Variants in RFX4 observed in about 807,000 individuals in gnomAD.
The protein encoded by RFX4 is regulatory factor X4.
In RFX4, 10 loss-of-function variants were observed where a neutral mutation model predicts 95.0. That is an observed-to-expected ratio of 0.11 (90% CI 0.06 to 0.18). The LOEUF (loss-of-function observed/expected upper bound fraction) is 0.18, where lower values mean the gene tolerates loss of function less well. RFX4 is among the 10% of genes least tolerant of loss of function. The pLI, the probability that RFX4 is intolerant of heterozygous loss-of-function variation, is 1.00. For synonymous variants in RFX4, 321 were observed against 340.7 expected, an observed-to-expected ratio of 0.94 and a Z score of 0.64; for missense variants, 640 against 922.0, an observed-to-expected ratio of 0.69 and a Z score of 3.96.
intron 3 of RFX4, among the ~76,000 whole-genome samples, chr12:106,647,623 G>T (rs2040773152): frequency 6.6e-6 from 1 of 151,974 alleles, no homozygotes; most frequent in Admixed American, 6.6e-5. Flanking sequence ...CTGTGTTCAG[G>T]ACACAGTGCT....
chr12:106,661,641 A>G (rs1039838570), intron 4 of RFX4, among the ~76,000 whole-genome samples: 2 of 152,368 alleles, frequency 1.3e-5, no homozygotes, highest in East Asian at 3.9e-4. Context: ...GGACAAATGT[A>G]TAATAACATG....
chr12:106,655,860 C>T (rs1307325562), intron 4 of RFX4, among the ~76,000 whole-genome samples: 1 of 152,196 alleles, frequency 6.6e-6, no homozygotes, highest in Admixed American at 6.5e-5. Flanking sequence ...AAGCACCTAC[C>T]ATGTGCGATT....
At position 106,631,159 on chromosome 12, in the gene RFX4, C is replaced by G. The variant is rs150314157; in HGVS notation, c.131-8173C>G. On this transcript the variant is annotated intron_variant, in intron 2 of 17. Coordinates refer to ENST00000392842, the MANE Select transcript of RFX4 (RefSeq NM_213594.3). Reference sequence around the variant, plus strand: ...TAGGGCAGCTGTGAAAACTAAATGCCATACCATGAAGAGCTTTGCACAGTG... The same window carrying G: ...TAGGGCAGCTGTGAAAACTAAATGCGATACCATGAAGAGCTTTGCACAGTG... Among the ~76,000 whole-genome samples the G allele has an allele frequency of 6.2e-3, 945 of 152,306 alleles. 7 individuals carry two copies. The highest frequency in any genetic ancestry group is 0.021 in the African/African-American group (875 of 41,578).
Position 106,720,898 on chromosome 12 carries a change from C to T in RFX4, c.1351+22C>T, listed in dbSNP as rs2042384511. 1 of 1,605,174 alleles carries T rather than the reference C, an allele frequency of 6.2e-7. No homozygotes were observed. The highest frequency in any genetic ancestry group is 1.3e-5 in the African/African-American group (1 of 74,814). ...TTCGGTAAGGCCACCCCAGCCCTCC[C>T]CATCTCCAAGCACTTTTTCCTCTGG... On this transcript the variant is annotated intron_variant, in intron 13 of 17. Coordinates refer to ENST00000392842, the MANE Select transcript of RFX4 (RefSeq NM_213594.3). The surrounding 1 kb of genome is among the most constrained non-coding windows in gnomAD (Gnocchi z 4.2).
chr12:106,749,093 A>AG (rs2042949127), intron 16 of RFX4, among the ~76,000 whole-genome samples: 2 of 151,004 alleles, frequency 1.3e-5, no homozygotes, highest in African/African-American at 4.9e-5. Flanking sequence ...CAAAAAAAAA[A>AG]AAAAAGAAAA....
intron 7 of RFX4, among the ~76,000 whole-genome samples, chr12:106,691,385 C>T (rs530554914): frequency 3.5e-4 from 54 of 152,334 alleles, no homozygotes; most frequent in Non-Finnish European, 3.8e-4. Flanking sequence ...CAAGGTCCTT[C>T]GTCACCTCAC....
intron 2 of RFX4, among the ~76,000 whole-genome samples, chr12:106,636,071 G>A (rs2040504305): frequency 6.6e-6 from 1 of 152,124 alleles, no homozygotes; most frequent in African/African-American, 2.4e-5. Context: ...AGGAGGTAAT[G>A]CAGATGACTG....
At chr12:106,597,125 ATCTGCTAT>A (rs2039631616) in intron 1 of RFX4, among the ~76,000 whole-genome samples, 2 of 152,084 alleles carry the variant, frequency 1.3e-5, no homozygotes, top group South Asian at 4.1e-4. Flanking sequence ...ACTTCTATTG[ATCTGCTAT>A]TCTGGGCCAA....
At chr12:106,584,116 G>C (rs941341421) in intron 1 of RFX4, among the ~76,000 whole-genome samples, 3 of 19,808 alleles carry the variant, frequency 1.5e-4, no homozygotes, top group African/African-American at 1.0e-3. Flanking sequence ...GCTGCTGGGC[G>C]TCAGTTTTGG....
chr12:106,612,027 A>G (rs1473072212), intron 2 of RFX4, among the ~76,000 whole-genome samples: 1 of 152,196 alleles, frequency 6.6e-6, no homozygotes, highest in Non-Finnish European at 1.5e-5. Context: ...GTAAGTTTTG[A>G]AATCAGGAAA....
chr12:106,630,641 T>C (rs1351502510), intron 2 of RFX4, among the ~76,000 whole-genome samples: 1 of 152,198 alleles, frequency 6.6e-6, no homozygotes, highest in Non-Finnish European at 1.5e-5. Flanking sequence ...GCCAGGTCAG[T>C]ATAATGAAAG....
At chr12:106,673,147 C>T (rs2041319082) in intron 4 of RFX4, among the ~76,000 whole-genome samples, 1 of 152,192 alleles carries the variant, frequency 6.6e-6, no homozygotes. Context: ...GGAGCGTCTG[C>T]AAATCCATGA....
Position 106,681,855 on chromosome 12 carries a change from G to T in RFX4, c.316-138G>T, listed in dbSNP as rs377037637. On this transcript the variant is annotated intron_variant, in intron 4 of 17. Coordinates refer to ENST00000392842, the MANE Select transcript of RFX4 (RefSeq NM_213594.3). ...TCTGACACCAGTAGTCTTCTCCAGGGTCCTCACAGACTCCTATTAAGTCAT... is the reference window on the plus strand; with the variant it reads ...TCTGACACCAGTAGTCTTCTCCAGGTTCCTCACAGACTCCTATTAAGTCAT... 6.5e-3 allele frequency: 5,068 copies of T among 782,274 alleles called. 29 individuals are homozygous for T. Among genetic ancestry groups the T allele is most frequent in the Non-Finnish European group, 8.5e-3 (3,905 of 461,500 alleles). The allele number at this position is 782,274 out of a possible 1,614,324, so 48.5% of individuals were successfully genotyped here.
At chr12:106,609,522 A>G (rs2039911991) in intron 2 of RFX4, among the ~76,000 whole-genome samples, 1 of 152,158 alleles carries the variant, frequency 6.6e-6, no homozygotes. Flanking sequence ...TCTTTCTTCC[A>G]TGGTTGGTAA....
At chr12:106,693,185 T>C in intron 7 of RFX4, 1 of 360,502 alleles carries the variant, frequency 2.8e-6, no homozygotes, top group South Asian at 2.2e-5. Flanking sequence ...CCCTCCTTCC[T>C]TTTCCTTCTC....
intron 3 of RFX4, among the ~76,000 whole-genome samples, chr12:106,647,147 A>G (rs2040763743): frequency 6.6e-6 from 1 of 152,164 alleles, no homozygotes; most frequent in African/African-American, 2.4e-5. Flanking sequence ...AGGCTGGGGC[A>G]AGAGTAGCAT....
intron 2 of RFX4, among the ~76,000 whole-genome samples, chr12:106,624,922 CGGG>C (rs1565954650): frequency 1.3e-5 from 2 of 152,104 alleles, no homozygotes; most frequent in Admixed American, 1.3e-4. Flanking sequence ...AATGCCTTCT[CGGG>C]GTGTGATTTC....
At chr12:106,613,886 A>G (rs1167543950) in intron 2 of RFX4, among the ~76,000 whole-genome samples, 1 of 152,180 alleles carries the variant, frequency 6.6e-6, no homozygotes, top group Non-Finnish European at 1.5e-5. Flanking sequence ...CCAGGAGTAG[A>G]ATTGCTAGAT....
chr12:106,613,564 A>G (rs543381052), intron 2 of RFX4, among the ~76,000 whole-genome samples: 8 of 151,994 alleles, frequency 5.3e-5, no homozygotes, highest in Admixed American at 4.6e-4. Flanking sequence ...GGGTTTCACC[A>G]TGTTGGCCAG....
Sources: allele counts gnomAD v4.1 joint callset (sites outside exome capture counted in the v4.1 genomes callset), GRCh38; gene constraint gnomAD v4.1.1; non-coding constraint Gnocchi (gnomAD v3.1); transcripts MANE v1.5; gene names NCBI Gene and HGNC (gene_info 2026-07-23, HGNC 2026-07-21).